ATP2B2: variants seen among roughly 807,000 people sequenced by gnomAD.
ATP2B2 encodes ATPase plasma membrane Ca2+ transporting 2, also known as plasma membrane calcium-transporting ATPase 2.
Under a neutral mutation model 120.0 loss-of-function variants are expected in ATP2B2, and 15 were observed. The observed-to-expected ratio is 0.12, with a 90% CI of 0.08 to 0.19. The LOEUF (loss-of-function observed/expected upper bound fraction) is 0.19. Among genes scored for constraint, ATP2B2 ranks in the 10% least tolerant of loss-of-function variants. The pLI, the probability that ATP2B2 is intolerant of heterozygous loss-of-function variation, is 1.00. For missense variants in ATP2B2, 1,045 were observed against 1,719.8 expected (o/e 0.61, Z 6.94); for synonymous variants, 694 against 700.3 (o/e 0.99, Z 0.14).
chr3:10,330,516 G>A (rs1168790460), intron 22 of ATP2B2, among the ~76,000 whole-genome samples: 1 of 152,238 alleles, frequency 6.6e-6, no homozygotes, highest in Non-Finnish European at 1.5e-5. Flanking sequence ...GCCCCAACTC[G>A]GAGTGGAGTC....
chr3:10,444,575 G>T (rs1248437498), intron 2 of ATP2B2, among the ~76,000 whole-genome samples: 1 of 152,186 alleles, frequency 6.6e-6, no homozygotes, highest in Non-Finnish European at 1.5e-5. Context: ...GCAGTATCCA[G>T]TTCCCACTCC....
chr3:10,342,875 C>A lies in ATP2B2; in HGVS notation c.2794G>T (p.Glu932Ter). 6.2e-7 allele frequency: 1 copy of A among 1,614,116 alleles called. No individual in the cohort carries two copies. The highest frequency in any genetic ancestry group is 1.1e-5 in the South Asian group (1 of 91,074). ...SLALATEPPT[E>*]TLLLRKPYGR... ...TACGGCTTCCTCAGCAGCAGGGTCT[C>A]CGTGGGCGGCTCAGTGGCCAGTGCC... The change falls in exon 19 of 23, where the codon GAG (glutamate) becomes TAG (stop). Residue 932 changes from glutamate (E) to a stop codon, truncating the protein, a stop_gained. Transcript: ENST00000360273. LOFTEE classifies it high-confidence loss of function. This position sits in a 1 kb window ranked among gnomAD's most constrained non-coding sequence, Gnocchi z 4.4.
At chr3:10,372,336 C>A (rs1001975944) in intron 11 of ATP2B2, among the ~76,000 whole-genome samples, 1 of 152,122 alleles carries the variant, frequency 6.6e-6, no homozygotes, top group African/African-American at 2.4e-5. Context: ...ACATTCTTTA[C>A]GGGAAGAAGG....
In ATP2B2 at chr3:10,372,083, T is replaced by C. The variant is rs538242143; in HGVS notation, c.1417-32A>G. The C allele has an allele frequency of 6.8e-6, 11 of 1,613,844 alleles. No individual in the cohort carries two copies. The South Asian group carries it at 1.2e-4, about 18-fold the overall frequency. ...GAAGGGGCAGGTGAGAGGGCAACAG[T>C]GAGGAGAGGGGCTGGGGAGCATGGG... On this transcript the variant is annotated intron_variant, in intron 11 of 22. Transcript: ENST00000360273.
rs187360176 is a variant in ATP2B2, at chr3:10,689,181, A to G, written c.-460+18734T>C. Among the ~76,000 whole-genome samples the G allele has an allele frequency of 1.9e-3, 288 of 152,010 alleles. 2 individuals are homozygous for G. In the South Asian group the frequency reaches 0.024, roughly 13 times the overall value. The stretch of plus-strand genomic sequence containing the variant: ...CTTGCGTTACCTGGTGCAGATCTCC[A>G]TATATTCTATGAGCTCTACCACCGT... On this transcript the variant is annotated intron_variant, in intron 1 of 21. Transcript: ENST00000646379.
At chr3:10,439,821 G>A (rs2063597546) in intron 2 of ATP2B2, among the ~76,000 whole-genome samples, 1 of 151,560 alleles carries the variant, frequency 6.6e-6, no homozygotes, top group Non-Finnish European at 1.5e-5. Flanking sequence ...TTCAAGACCA[G>A]CTTGGTTCAC....
At chr3:10,518,120 C>A (rs1384243341) in intron 3 of ATP2B2, among the ~76,000 whole-genome samples, 1 of 152,172 alleles carries the variant, frequency 6.6e-6, no homozygotes, top group Non-Finnish European at 1.5e-5. Context: ...CCCTCAAACT[C>A]CAGTAATGAT....
intron 1 of ATP2B2, among the ~76,000 whole-genome samples, chr3:10,627,355 A>T (rs1480137385): frequency 6.6e-6 from 1 of 152,232 alleles, no homozygotes; most frequent in African/African-American, 2.4e-5. Flanking sequence ...GACTGGTGAC[A>T]TGAGGTCAAG....
intron 1 of ATP2B2, among the ~76,000 whole-genome samples, chr3:10,681,454 C>T (rs960525330): frequency 1.3e-5 from 2 of 152,208 alleles, no homozygotes; most frequent in African/African-American, 2.4e-5. Flanking sequence ...AATGTCTCCC[C>T]ATTTCAAATA....
chr3:10,609,822 C>A (rs2069180709), intron 2 of ATP2B2, among the ~76,000 whole-genome samples: 1 of 152,156 alleles, frequency 6.6e-6, no homozygotes. Flanking sequence ...ACTGCAGTGT[C>A]TCTGATCAAT....
At chr3:10,332,113 C>A in intron 22 of ATP2B2, 1 of 1,347,188 alleles carries the variant, frequency 7.4e-7, no homozygotes, top group Non-Finnish European at 1.0e-6. Flanking sequence ...GCCATTTTCT[C>A]GCCAACCCAA....
intron 1 of ATP2B2, among the ~76,000 whole-genome samples, chr3:10,473,091 C>G (rs968979885): frequency 6.6e-6 from 1 of 152,206 alleles, no homozygotes; most frequent in Non-Finnish European, 1.5e-5. Context: ...TGCTCAGGAA[C>G]CTTCTGTGGC....
intron 2 of ATP2B2, among the ~76,000 whole-genome samples, chr3:10,585,534 C>T (rs2068491055): frequency 7.0e-6 from 1 of 143,672 alleles, no homozygotes; most frequent in South Asian, 2.4e-4. Flanking sequence ...GTGAGAGCTC[C>T]ATTCGCTGAC....
chr3:10,445,242 C>T (rs9884106), intron 2 of ATP2B2, among the ~76,000 whole-genome samples: 2,596 of 152,338 alleles, frequency 0.017, 88 homozygotes, highest in African/African-American at 0.059. Context: ...GAGGTGGGTA[C>T]TGTTACTATC....
chr3:10,511,025 T>G (rs989970761), intron 3 of ATP2B2, among the ~76,000 whole-genome samples: 2 of 152,182 alleles, frequency 1.3e-5, no homozygotes, highest in Non-Finnish European at 2.9e-5. Flanking sequence ...CTCCTCACTG[T>G]GGCTCATGAG....
intron 13 of ATP2B2, among the ~76,000 whole-genome samples, chr3:10,359,671 A>C (rs1434659993): frequency 6.6e-6 from 1 of 152,188 alleles, no homozygotes; most frequent in Non-Finnish European, 1.5e-5. Context: ...ATAGTGGAAA[A>C]CACAGTGGCC....
At chr3:10,332,211 A>G in intron 22 of ATP2B2, 2 of 636,062 alleles carry the variant, frequency 3.1e-6, no homozygotes, top group Non-Finnish European at 5.8e-6. Context: ...CTAACAGTGC[A>G]AACTCCTTGC....
intron 1 of ATP2B2, among the ~76,000 whole-genome samples, chr3:10,659,722 A>T (rs1239383547): frequency 2.0e-5 from 3 of 152,250 alleles, no homozygotes; most frequent in African/African-American, 7.2e-5. Flanking sequence ...CAGGAATTGA[A>T]TTCAGCTCTG....
intron 2 of ATP2B2, among the ~76,000 whole-genome samples, chr3:10,619,553 C>T (rs971137637): frequency 6.6e-5 from 10 of 152,200 alleles, no homozygotes; most frequent in Non-Finnish European, 1.3e-4. Context: ...AAGCCAAGTG[C>T]ACTTCTCTTT....
Sources: allele counts gnomAD v4.1 joint callset (sites outside exome capture counted in the v4.1 genomes callset), GRCh38; gene constraint gnomAD v4.1.1; non-coding constraint Gnocchi (gnomAD v3.1); transcripts MANE v1.5; gene names NCBI Gene and HGNC (gene_info 2026-07-23, HGNC 2026-07-21).